The following ELFN1 variants were observed in gnomAD, a reference collection of about 807,000 sequenced individuals.
ELFN1 encodes the protein protein ELFN1.
In ELFN1, 6 loss-of-function variants were observed where a neutral mutation model predicts 7.6. The observed-to-expected ratio is 0.79, with a 90% CI of 0.43 to 1.56. The LOEUF (loss-of-function observed/expected upper bound fraction) is 1.56. ELFN1 is among the 40% of genes most tolerant of loss of function. The probability of loss-of-function intolerance (pLI) is 0.01; values close to 1 mark genes in which losing one functional copy is unlikely to be tolerated. For synonymous variants in ELFN1, 657 were observed against 588.1 expected (o/e 1.12, Z -1.70); for missense variants, 1,169 against 1,232.2 (o/e 0.95, Z 0.77).
chr7:1,726,140 G>A lies in ELFN1; in HGVS notation c.-294+16888G>A, dbSNP rs753189599. ...CCCAGGGCCTAGTGGGTCTTCGGCT[G>A]GAGAACGCAGGGCTCCAAGGTCCGC... On this transcript the variant is annotated intron_variant, in intron 3 of 3. Coordinates refer to ENST00000424383, the MANE Select transcript of ELFN1 (RefSeq NM_001128636.4). Among the ~76,000 whole-genome samples the A allele has an allele frequency of 4.1e-4, 62 of 152,126 alleles. 1 individual carries two copies. Among genetic ancestry groups the A allele is most frequent in the Non-Finnish European group, 5.4e-4 (37 of 68,022 alleles).
intron 3 of ELFN1, among the ~76,000 whole-genome samples, chr7:1,714,916 G>A (rs1423452906): frequency 2.6e-5 from 4 of 152,222 alleles, no homozygotes; most frequent in African/African-American, 9.7e-5. Context: ...GTTGTCAATG[G>A]TCCAGGTTCC....
chr7:1,683,337 T>C (rs1442419626), intron 1 of ELFN1, among the ~76,000 whole-genome samples: 2 of 152,216 alleles, frequency 1.3e-5, no homozygotes, highest in Non-Finnish European at 2.9e-5. Flanking sequence ...GTTTAGTTTT[T>C]TTTGTTTTTG....
intron 1 of ELFN1, among the ~76,000 whole-genome samples, chr7:1,681,350 C>T (rs1459544018): frequency 6.6e-6 from 1 of 152,068 alleles, no homozygotes; most frequent in African/African-American, 2.4e-5. Context: ...TTCATCTGGT[C>T]AGTTCATATT....
chr7:1,731,499 T>C (rs1426296893), intron 3 of ELFN1, among the ~76,000 whole-genome samples: 2 of 152,122 alleles, frequency 1.3e-5, no homozygotes, highest in African/African-American at 4.8e-5. Flanking sequence ...AGAGGCCTCA[T>C]GAGAGGGTGA....
At chr7:1,718,948 G>GATGCACAGGAGGCTGGA (rs1779919065) in intron 3 of ELFN1, among the ~76,000 whole-genome samples, 3 of 152,178 alleles carry the variant, frequency 2.0e-5, no homozygotes. Flanking sequence ...CTTAGGATGG[G>GATGCACAGGAGGCTGGA]ATGCACAGGA....
At chr7:1,724,937 C>T (rs1780144130) in intron 3 of ELFN1, among the ~76,000 whole-genome samples, 1 of 152,248 alleles carries the variant, frequency 6.6e-6, no homozygotes, top group Non-Finnish European at 1.5e-5. Context: ...GACACTGGCC[C>T]TGCCCTGATG....
Position 1,706,897 on chromosome 7 carries a change from G to A in ELFN1, c.-455-2194G>A, listed in dbSNP as rs145571288. 6.9e-3 allele frequency among the ~76,000 whole-genome samples: 1,049 copies of A among 152,364 alleles called. 3 individuals are homozygous for A. The highest frequency in any genetic ancestry group is 0.011 in the Non-Finnish European group (728 of 68,036). The stretch of plus-strand genomic sequence containing the variant: ...GTGGTGCATTGGATGCCTGGGCCTG[G>A]ATGTGTCTGAGTGAGCCTTTGTGGA... On this transcript the variant is annotated intron_variant, in intron 2 of 3. Transcript: ENST00000424383.
At chr7:1,671,311 GA>G (rs1197996023) in intron 1 of ELFN1, among the ~76,000 whole-genome samples, 1 of 152,108 alleles carries the variant, frequency 6.6e-6, no homozygotes, top group Non-Finnish European at 1.5e-5. Flanking sequence ...CATGCCTTCT[GA>G]AAAAAACGAA....
chr7:1,675,831 G>C (rs2128574412), intron 1 of ELFN1, among the ~76,000 whole-genome samples: 1 of 152,334 alleles, frequency 6.6e-6, no homozygotes, highest in Admixed American at 6.5e-5. Context: ...AGGTGTCCCG[G>C]AGATACCCAC....
intron 3 of ELFN1, among the ~76,000 whole-genome samples, chr7:1,714,851 G>A (rs977592009): frequency 1.3e-5 from 2 of 152,214 alleles, no homozygotes; most frequent in African/African-American, 4.8e-5. Context: ...CCACGTGGGG[G>A]TCATTTTTCT....
intron 3 of ELFN1, among the ~76,000 whole-genome samples, chr7:1,722,440 T>A (rs1780053293): frequency 6.6e-6 from 1 of 151,942 alleles, no homozygotes; most frequent in African/African-American, 2.4e-5. Flanking sequence ...CTAATTTTTT[T>A]ATATTTTTAG....
chr7:1,725,434 GCGGGAGCGAGACAGA>G, intron 3 of ELFN1, among the ~76,000 whole-genome samples: 1 of 152,032 alleles, frequency 6.6e-6, no homozygotes, highest in Admixed American at 6.5e-5. Flanking sequence ...CCTTAGAGAG[GCGGGAGCGAGACAGA>G]CGGGAGGGAG....
At chr7:1,730,279 C>T (rs1780300522) in intron 3 of ELFN1, among the ~76,000 whole-genome samples, 1 of 152,196 alleles carries the variant, frequency 6.6e-6, no homozygotes, top group African/African-American at 2.4e-5. Context: ...GGGAGGGGGG[C>T]CAAGCCTACA....
chr7:1,678,721 C>T (rs1386609869), intron 1 of ELFN1, among the ~76,000 whole-genome samples: 1 of 152,230 alleles, frequency 6.6e-6, no homozygotes, highest in East Asian at 1.9e-4. Flanking sequence ...GGGTGTGGAC[C>T]CTGAGCCTCG....
intron 1 of ELFN1, among the ~76,000 whole-genome samples, chr7:1,679,726 T>C (rs115110734): frequency 0.012 from 1,812 of 152,288 alleles, 33 homozygotes; most frequent in African/African-American, 0.041. Flanking sequence ...CTGGATGCCA[T>C]GGTGCTCAGA....
upstream of ELFN1, among the ~76,000 whole-genome samples, chr7:1,666,878 C>G (rs1778679737): frequency 6.6e-6 from 1 of 151,820 alleles, no homozygotes; most frequent in African/African-American, 2.4e-5. This position sits in a 1 kb window ranked among gnomAD's most constrained non-coding sequence, Gnocchi z 7.9. Flanking sequence ...CAGCCGGTGG[C>G]TGGGCTCTGC....
rs569999400 is a variant in ELFN1, at chr7:1,708,922, G to A, written c.-455-169G>A. Among the ~76,000 whole-genome samples, 4 of 152,270 alleles carry A rather than the reference G, an allele frequency of 2.6e-5. No individual in the cohort carries two copies. The East Asian group carries it at 7.7e-4, about 29-fold the overall frequency. On this transcript the variant is annotated intron_variant, in intron 2 of 3. Coordinates refer to ENST00000424383, the MANE Select transcript of ELFN1 (RefSeq NM_001128636.4). ...GTGTGTCAGCCTGCTCTGTGTGTCA[G>A]GAAGTCCCCAGCCTCTCTGATTTGT...
chr7:1,675,327 C>G (rs1295852830), intron 1 of ELFN1, among the ~76,000 whole-genome samples: 1 of 152,204 alleles, frequency 6.6e-6, no homozygotes, highest in Admixed American at 6.5e-5. Context: ...GCCGAGGGCT[C>G]GGGGGCGGGG....
chr7:1,681,045 G>A (rs1407273669), intron 1 of ELFN1, among the ~76,000 whole-genome samples: 1 of 152,056 alleles, frequency 6.6e-6, no homozygotes, highest in African/African-American at 2.4e-5. Flanking sequence ...CCCAGCCTGT[G>A]GATTTACATT....
Sources: gnomAD v4.1 joint callset for allele counts (sites outside exome capture counted in the v4.1 genomes callset) on GRCh38, gnomAD v4.1.1 for gene constraint, Gnocchi (gnomAD v3.1) non-coding constraint, MANE v1.5 for transcripts, NCBI Gene and HGNC (gene_info 2026-07-23, HGNC 2026-07-21) for gene names.